Variants in ECI1 observed in about 807,000 individuals in gnomAD.
ECI1 encodes the protein enoyl-CoA delta isomerase 1.
Under a neutral mutation model 34.2 loss-of-function variants are expected in ECI1, and 34 were observed. That is an observed-to-expected ratio of 1.00 (90% CI 0.76 to 1.33). ECI1 has a LOEUF of 1.33. Among genes scored for constraint, ECI1 ranks in the 40% most tolerant of loss-of-function variants. The pLI, the probability that ECI1 is intolerant of heterozygous loss-of-function variation, is 0.00. For synonymous variants in ECI1, 211 were observed against 193.0 expected (o/e 1.09, Z -0.77); for missense variants, 456 against 422.2 (o/e 1.08, Z -0.70).
chr16:2,249,018 C>CTATT (rs144104118), intron 2 of ECI1, among the ~76,000 whole-genome samples: 8 of 150,990 alleles, frequency 5.3e-5, no homozygotes, highest in Middle Eastern at 3.4e-3. Flanking sequence ...GTTGTCATTC[C>CTATT]TATTTATTTA....
chr16:2,249,773 G>A lies in ECI1; in HGVS notation c.166+1543C>T, dbSNP rs575579864. ...GGCGCCTGTAGTCCCAGCTACTTGG[G>A]CGGCTGAGGTAGAAGAATGGTGTGA... On this transcript the variant is annotated intron_variant, in intron 2 of 6. Transcript: ENST00000301729. Among the ~76,000 whole-genome samples the A allele has an allele frequency of 1.1e-3, 169 of 149,854 alleles. 1 individual carries two copies. Among genetic ancestry groups the A allele is most frequent in the African/African-American group, 4.0e-3 (162 of 40,992 alleles).
intron 2 of ECI1, among the ~76,000 whole-genome samples, chr16:2,249,398 A>G (rs1417794701): frequency 3.3e-5 from 5 of 152,082 alleles, no homozygotes; most frequent in Non-Finnish European, 7.3e-5. Flanking sequence ...TGGACTACAC[A>G]TTGTGAATAT....
At chr16:2,242,200 C>T (rs1268543366) in intron 6 of ECI1, among the ~76,000 whole-genome samples, 1 of 151,682 alleles carries the variant, frequency 6.6e-6, no homozygotes, top group Non-Finnish European at 1.5e-5. Context: ...ACCATGTTGG[C>T]CAGGCTGGTC....
intron 6 of ECI1, among the ~76,000 whole-genome samples, chr16:2,242,003 G>C (rs2141496157): frequency 6.6e-6 from 1 of 152,054 alleles, no homozygotes; most frequent in East Asian, 1.9e-4. Context: ...GGGACTACAG[G>C]CGCCCGCCGC....
Position 2,251,560 on chromosome 16 carries a change from G to T in ECI1, c.7C>A (p.Leu3Met), listed in dbSNP as rs900211278. 6 of 1,557,326 alleles carry T rather than the reference G, an allele frequency of 3.9e-6. No homozygotes were observed. The highest frequency in any genetic ancestry group is 5.2e-6 in the Non-Finnish European group (6 of 1,151,570). Residue 3 changes from leucine (L) to methionine (M), a missense_variant, in exon 1 of 7, where the codon CTG becomes ATG. Transcript: ENST00000301729. MA[L>M]VASVRVPARV... is the part of the protein sequence containing the mutation. The stretch of plus-strand genomic sequence containing the variant: ...GCCGGGACTCGCACAGAAGCCACCA[G>T]CGCCATCTTGACCGCAACGCGCGGG...
chr16:2,251,316 C>A lies in ECI1; in HGVS notation c.166G>T (p.Gly56Trp), dbSNP rs1424165621. The A allele has an allele frequency of 8.2e-7, 1 of 1,214,616 alleles. No individual in the cohort carries two copies. Among genetic ancestry groups the A allele is most frequent in the Admixed American group, 3.8e-5 (1 of 26,178 alleles). 75.2% of individuals were successfully genotyped at this position (1,214,616 alleles called of 1,614,324 possible). A position where few individuals can be genotyped will look rare whatever the true frequency, so the allele number is the denominator to read the frequency against. The change falls in exon 2 of 7, where the codon GGG becomes TGG. Residue 56 changes from glycine to tryptophan, a missense_variant and splice_region_variant. By Grantham distance (184) the Gly-to-Trp change is radical. Coordinates refer to ENST00000301729, the MANE Select transcript of ECI1 (RefSeq NM_001919.4). ...RVLVEPDAGA[G>W]VAVMKFKNPP... ...CCCTCCCTCGGCGCCGCCCGCTCAC[C>A]TGCGCCCGCGTCCGGCTCCACCAGC...
chr16:2,245,514 G>A (rs1199939612), intron 3 of ECI1, among the ~76,000 whole-genome samples: 15 of 152,228 alleles, frequency 9.9e-5, no homozygotes, highest in Non-Finnish European at 1.5e-5. Flanking sequence ...GTGAGCTGGT[G>A]CCGCACAGAA....
At chr16:2,242,946 AAC>A in intron 6 of ECI1, 98 bp downstream of exon 6, 1 of 942,192 alleles carries the variant, frequency 1.1e-6, no homozygotes, top group Non-Finnish European at 1.7e-6. Flanking sequence ...TGTGATTATC[AAC>A]AGTCTCCCGA....
chr16:2,250,261 CAAAAAAA>C (rs560687371), intron 2 of ECI1, among the ~76,000 whole-genome samples: 11 of 67,636 alleles, frequency 1.6e-4, no homozygotes, highest in African/African-American at 5.7e-4. Flanking sequence ...ACTACATCTC[CAAAAAAA>C]AAAAAAAAAA....
At position 2,242,249 on chromosome 16, in the gene ECI1, T is replaced by A. The variant is rs192996907; in HGVS notation, c.742+797A>T. Among the ~76,000 whole-genome samples, 27 of 152,288 alleles carry A rather than the reference T, an allele frequency of 1.8e-4. No homozygotes were observed. In the East Asian group the frequency reaches 4.8e-3, roughly 27 times the overall value. ...CTCAAGTGATCTGCCTGCCTCAGCC[T>A]CCCAAAGTGCTGAGATTACAGGCGT... On this transcript the variant is annotated intron_variant, in intron 6 of 6. Transcript: ENST00000301729.
At chr16:2,248,091 CTT>C (rs1469904281) in intron 2 of ECI1, among the ~76,000 whole-genome samples, 1 of 152,078 alleles carries the variant, frequency 6.6e-6, no homozygotes, top group Non-Finnish European at 1.5e-5. Context: ...ACCATTCTCT[CTT>C]TCTCTCTCTA....
chr16:2,242,415 A>C (rs1212981567), intron 6 of ECI1: 1 of 153,684 alleles, frequency 6.5e-6, no homozygotes, highest in Non-Finnish European at 1.4e-5. Flanking sequence ...CTTTAGAGAC[A>C]GAATTTGCTG....
At chr16:2,251,266 C>G (rs1481376713) in intron 2 of ECI1, 50 bp downstream of exon 2, 1 of 946,052 alleles carries the variant, frequency 1.1e-6, no homozygotes, top group Non-Finnish European at 1.3e-6. Context: ...AGCGCGGACC[C>G]CCGCGGGTCC....
rs2093523448 is a variant in ECI1 at position 2,239,824 on chromosome 16, GC to G, written c.*154del. The G allele has an allele frequency of 2.5e-6, 2 of 795,882 alleles. No individual in the cohort carries two copies. The highest frequency in any genetic ancestry group is 4.2e-6 in the Non-Finnish European group (2 of 471,102). The allele number at this position is 795,882 out of a possible 1,614,324, so 49.3% of individuals were successfully genotyped here. A position where few individuals can be genotyped will look rare whatever the true frequency, so the allele number is the denominator to read the frequency against. On this transcript the variant is annotated 3_prime_UTR_variant, in exon 7 of 7. Coordinates refer to ENST00000301729, the MANE Select transcript of ECI1 (RefSeq NM_001919.4). ...CCCATGTGTGTTTGTGTGTGGCTGG[GC>G]CTTGGGCCACTGGGCTATGAGGAAC...
Position 2,251,584 on chromosome 16 carries a change from G to C in ECI1, c.-18C>G, listed in dbSNP as rs772551198. ...AGCGCCATCTTGACCGCAACGCGCG[G>C]GATAAAGGTCGCGGGCTGAGCTCGC... On this transcript the variant is annotated 5_prime_UTR_variant, in exon 1 of 7. Transcript: ENST00000301729. 2.6e-6 allele frequency: 4 copies of C among 1,551,514 alleles called. No homozygotes were observed. The highest frequency in any genetic ancestry group is 2.4e-5 in the East Asian group (1 of 41,138).
chr16:2,247,127 C>G (rs867913382), intron 2 of ECI1, 141 bp from the exon 3 acceptor site: 30 of 1,093,678 alleles, frequency 2.7e-5, no homozygotes, highest in Non-Finnish European at 3.5e-5. Flanking sequence ...GACAGAGTCT[C>G]GCTCTGTCAC....
chr16:2,240,337 G>C (rs563151731), intron 6 of ECI1, 192 bp from the exon 7 acceptor site: 28 of 558,352 alleles, frequency 5.0e-5, no homozygotes, highest in Admixed American at 1.8e-4. Context: ...TCAGCCTCTT[G>C]AGTAGCTGGG....
Position 2,246,913 on chromosome 16 carries a change from G to A in ECI1, c.240C>T (p.Ile80=). ...LSLEFLTELV[I]SLEKLENDKS... The stretch of plus-strand genomic sequence containing the variant: ...TGTCATTCTCCAGCTTCTCCAGGCT[G>A]ATGACCAGCTCCGTCAGAAACTCCA... Residue 80 remains isoleucine (I), a synonymous_variant, in exon 3 of 7, where the codon ATC becomes ATT. Transcript: ENST00000301729. 1 of 1,613,866 alleles carries A rather than the reference G, an allele frequency of 6.2e-7. No homozygotes were observed. Among genetic ancestry groups the A allele is most frequent in the Non-Finnish European group, 8.5e-7 (1 of 1,180,016 alleles).
intron 1 of ECI1, 26 bp downstream of exon 1, chr16:2,251,489 A>C (rs2141515392): frequency 6.4e-7 from 1 of 1,554,700 alleles, no homozygotes; most frequent in East Asian, 2.4e-5. Context: ...CCCCGGCCCG[A>C]TCCCTGCCCA....
Sources: gnomAD v4.1 joint callset for allele counts (sites outside exome capture counted in the v4.1 genomes callset) on GRCh38, gnomAD v4.1.1 for gene constraint, MANE v1.5 for transcripts, NCBI Gene and HGNC (gene_info 2026-07-23, HGNC 2026-07-21) for gene names.